VPS54: variants seen among roughly 807,000 people sequenced by gnomAD.
The protein encoded by VPS54 is VPS54 subunit of GARP complex, also known as vacuolar protein sorting-associated protein 54.
VPS54 carries 45 observed loss-of-function variants against 121.5 expected under a neutral mutation model. The observed-to-expected ratio is 0.37, with a 90% CI of 0.29 to 0.47. VPS54 has a LOEUF of 0.47. Among genes scored for constraint, VPS54 ranks in the 20% least tolerant of loss-of-function variants. VPS54 has a pLI of 0.99. For missense variants in VPS54, 1,090 were observed against 1,131.4 expected (o/e 0.96, Z 0.52); for synonymous variants, 371 against 385.8 (o/e 0.96, Z 0.45).
chr2:63,936,634 T>C (rs867913467), intron 11 of VPS54, among the ~76,000 whole-genome samples: 35 of 152,182 alleles, frequency 2.3e-4, no homozygotes, highest in African/African-American at 8.0e-4. Context: ...TTAAAGGCTG[T>C]TATCTTTCTT....
chr2:63,985,678 T>TACACACACAC (rs1491189848), intron 1 of VPS54, among the ~76,000 whole-genome samples: 9 of 101,696 alleles, frequency 8.8e-5, no homozygotes, highest in African/African-American at 4.8e-4. Flanking sequence ...AGTGACAAAT[T>TACACACACAC]ATACACACAC....
At chr2:64,005,121 T>TG (rs1278205983) in intron 1 of VPS54, among the ~76,000 whole-genome samples, 3 of 108,006 alleles carry the variant, frequency 2.8e-5, no homozygotes, top group African/African-American at 1.1e-4. Context: ...TTTTTTTTTT[T>TG]GAGACGGAGT....
intron 3 of VPS54, among the ~76,000 whole-genome samples, chr2:63,980,333 T>G (rs1676750641): frequency 6.6e-6 from 1 of 152,162 alleles, no homozygotes; most frequent in South Asian, 2.1e-4. Context: ...GCTTTTTTCT[T>G]TCTATTCAAG....
intron 21 of VPS54, 103 bp from the exon 22 acceptor site, chr2:63,897,693 T>G: frequency 3.0e-6 from 2 of 664,000 alleles, no homozygotes; most frequent in Non-Finnish European, 4.8e-6. Flanking sequence ...ACCAAAACCT[T>G]TGCTTTGACA....
At chr2:63,981,617 G>A (rs751965722) in intron 3 of VPS54, 29 bp downstream of exon 3, 9 of 1,536,084 alleles carry the variant, frequency 5.9e-6, no homozygotes, top group East Asian at 2.3e-5. Flanking sequence ...CTTTTGACCT[G>A]ACTGTAACTA....
intron 3 of VPS54, among the ~76,000 whole-genome samples, chr2:63,972,861 G>C (rs186498492): frequency 7.3e-5 from 11 of 150,930 alleles, no homozygotes; most frequent in Non-Finnish European, 1.5e-5. Flanking sequence ...CTGGGTGGCA[G>C]AGTGAGACTC....
In VPS54 at chr2:63,916,948, T is replaced by G; in HGVS notation, c.2180A>C (p.Lys727Thr). ...CTCGACAATAAGAACTTCAGCTGGT[T>G]TCCTTTCTTCTGTGGCTACAGAGTT... ...EKKSGATEER[K>T]PAEVLIVEGQ... is the part of the protein sequence containing the mutation. The change falls in exon 16 of 23, where the codon AAA becomes ACA. Residue 727 changes from lysine to threonine, a missense_variant. This residue lies in a region of VPS54 where 289 missense variants were observed against 374.4 expected (regional missense o/e 0.77). Transcript: ENST00000272322. The G allele has an allele frequency of 1.2e-6, 2 of 1,613,576 alleles. No homozygotes were observed. The highest frequency in any genetic ancestry group is 1.7e-6 in the Non-Finnish European group (2 of 1,179,642).
chr2:63,917,308 C>G (rs966701602), intron 15 of VPS54, among the ~76,000 whole-genome samples: 1 of 152,012 alleles, frequency 6.6e-6, no homozygotes, highest in African/African-American at 2.4e-5. Context: ...TCCCTTAGGG[C>G]TGGCACAAGG....
chr2:63,992,139 G>C (rs780831380), intron 1 of VPS54, among the ~76,000 whole-genome samples: 4 of 151,940 alleles, frequency 2.6e-5, no homozygotes, highest in Non-Finnish European at 5.9e-5. Flanking sequence ...CATTCCGGCC[G>C]GTGACTCAAT....
At chr2:63,957,825 A>T (rs1000858858) in intron 7 of VPS54, among the ~76,000 whole-genome samples, 11 of 152,214 alleles carry the variant, frequency 7.2e-5, no homozygotes, top group Non-Finnish European at 1.3e-4. Flanking sequence ...CTTCTCAATT[A>T]TGGTGCACAT....
intron 1 of VPS54, among the ~76,000 whole-genome samples, chr2:64,004,621 G>C (rs1216042532): frequency 6.6e-6 from 1 of 152,152 alleles, no homozygotes; most frequent in Non-Finnish European, 1.5e-5. Context: ...CTCTAGATCA[G>C]GAGTTAAGCT....
chr2:63,932,274 T>C (rs1163209550), intron 12 of VPS54, among the ~76,000 whole-genome samples: 1 of 152,140 alleles, frequency 6.6e-6, no homozygotes, highest in African/African-American at 2.4e-5. Flanking sequence ...TCATCAATGA[T>C]AGACTGGATT....
intron 6 of VPS54, among the ~76,000 whole-genome samples, chr2:63,965,373 G>C (rs1027509728): frequency 2.0e-5 from 3 of 152,168 alleles, no homozygotes; most frequent in Non-Finnish European, 4.4e-5. Flanking sequence ...CTACTTGGGA[G>C]GATGAGGAAG....
chr2:63,973,947 A>G (rs1676402781), intron 3 of VPS54, among the ~76,000 whole-genome samples: 1 of 152,190 alleles, frequency 6.6e-6, no homozygotes, highest in South Asian at 2.1e-4. Context: ...AGAACTTTTT[A>G]ATTTTAATGA....
intron 7 of VPS54, among the ~76,000 whole-genome samples, chr2:63,955,383 G>C (rs1277914302): frequency 1.3e-5 from 2 of 151,904 alleles, no homozygotes; most frequent in Admixed American, 6.6e-5. Flanking sequence ...TTAGCACTCA[G>C]GTATGTGTTA....
chr2:63,896,600 G>A (rs1672455158), intron 22 of VPS54, among the ~76,000 whole-genome samples: 1 of 152,108 alleles, frequency 6.6e-6, no homozygotes, highest in South Asian at 2.1e-4. Flanking sequence ...ATAGCTCTTT[G>A]CAAAATTGAT....
chr2:63,962,132 A>G lies in VPS54; in HGVS notation c.936T>C (p.Phe312=). Residue 312 remains phenylalanine, a synonymous_variant, in exon 7 of 23, where the codon TTT becomes TTC. Coordinates refer to ENST00000272322, the MANE Select transcript of VPS54 (RefSeq NM_016516.3). ...TTGCTATTAAGTCCAATGCTCCAAC[A>G]AATTCAGAAGTAGATAATAACACCT... The part of the protein sequence containing the change: ...TVQVLLSTSE[F]VGALDLIATT... 1 of 1,609,246 alleles carries G rather than the reference A, an allele frequency of 6.2e-7. No homozygotes were observed. The highest frequency in any genetic ancestry group is 8.5e-7 in the Non-Finnish European group (1 of 1,175,846).
At chr2:63,916,058 G>C (rs1382342620) in intron 16 of VPS54, among the ~76,000 whole-genome samples, 2 of 152,166 alleles carry the variant, frequency 1.3e-5, no homozygotes, top group African/African-American at 2.4e-5. Flanking sequence ...TGCTGGGCTA[G>C]ATATTGGCAG....
chr2:63,965,730 T>C, intron 6 of VPS54, 105 bp downstream of exon 6: 1 of 1,485,576 alleles, frequency 6.7e-7, no homozygotes. Flanking sequence ...AGAACAAAAA[T>C]GAATTTAAAA....
Sources: allele counts gnomAD v4.1 joint callset (sites outside exome capture counted in the v4.1 genomes callset), GRCh38; gene constraint gnomAD v4.1.1; regional missense constraint gnomAD v4.1.1; transcripts MANE v1.5; gene names NCBI Gene and HGNC (gene_info 2026-07-23, HGNC 2026-07-21).